HELZ: variants seen among roughly 807,000 people sequenced by gnomAD.
The protein encoded by HELZ is ATP-dependent RNA helicase with zinc finger domain.
HELZ carries 23 observed loss-of-function variants against 218.2 expected under a neutral mutation model. The ratio of observed to expected loss-of-function variants is 0.11; its 90% confidence interval spans 0.08 to 0.15. The LOEUF is 0.15. Ranked by LOEUF, HELZ falls within the 10% of genes least tolerant of loss-of-function variation. HELZ has a pLI of 1.00. For synonymous variants in HELZ, 814 were observed against 829.4 expected, an observed-to-expected ratio of 0.98 and a Z score of 0.32; for missense variants, 1,813 against 2,353.7, an observed-to-expected ratio of 0.77 and a Z score of 4.75.
At chr17:67,107,862 T>C (rs1462639479) in intron 30 of HELZ, among the ~76,000 whole-genome samples, 177 bp from the exon 31 acceptor site, 2 of 152,186 alleles carry the variant, frequency 1.3e-5, no homozygotes, top group African/African-American at 4.8e-5. Context: ...GGTGAAGAAA[T>C]TAAATATGCT....
At chr17:67,123,913 ATC>A (rs777620889) in intron 25 of HELZ, 48 bp downstream of exon 25, 1 of 1,349,080 alleles carries the variant, frequency 7.4e-7, no homozygotes. Context: ...TTTGGGGAAA[ATC>A]TCTTACATCA....
At chr17:67,189,734 C>G in intron 10 of HELZ, 38 bp from the exon 11 acceptor site, 1 of 1,290,854 alleles carries the variant, frequency 7.7e-7, no homozygotes, top group Non-Finnish European at 1.1e-6. Context: ...GTTTTTATTG[C>G]TAAGGGCACA....
chr17:67,141,240 A>G (rs899163269), intron 21 of HELZ, among the ~76,000 whole-genome samples: 23 of 152,312 alleles, frequency 1.5e-4, no homozygotes, highest in Middle Eastern at 3.4e-3. Flanking sequence ...GCAAAAACCC[A>G]TATGTATATA....
chr17:67,100,417 C>A (rs1258016050), intron 31 of HELZ, among the ~76,000 whole-genome samples: 1 of 152,168 alleles, frequency 6.6e-6, no homozygotes, highest in African/African-American at 2.4e-5. Context: ...TACTAGCATT[C>A]CATTTTTATC....
chr17:67,183,347 A>G (rs1316591657), intron 12 of HELZ, among the ~76,000 whole-genome samples: 3 of 152,246 alleles, frequency 2.0e-5, no homozygotes, highest in African/African-American at 7.2e-5. Flanking sequence ...GAGTAAGAGC[A>G]TTAAGAAATA....
At chr17:67,200,239 A>G (rs2040134477) in intron 7 of HELZ, among the ~76,000 whole-genome samples, 1 of 152,226 alleles carries the variant, frequency 6.6e-6, no homozygotes, top group African/African-American at 2.4e-5. Context: ...TTATATGCCT[A>G]TATGAAGAAG....
At chr17:67,200,497 GGAGGCAGAGGCAGACGGATCACTT>G (rs1246467849) in intron 7 of HELZ, 1 of 152,268 alleles carries the variant, frequency 6.6e-6, no homozygotes, top group Non-Finnish European at 1.5e-5. Context: ...CAGCACTTTG[GGAGGCAGAGGCAGACGGATCACTT>G]GAGCCCAGGA....
At position 67,164,152 on chromosome 17, in the gene HELZ, C is replaced by T. The variant is rs117438468; in HGVS notation, c.1895+2326G>A. 5.5e-3 allele frequency among the ~76,000 whole-genome samples: 843 copies of T among 152,224 alleles called. 5 individuals are homozygous for T. The highest frequency in any genetic ancestry group is 7.4e-3 in the Non-Finnish European group (503 of 68,010). On this transcript the variant is annotated intron_variant, in intron 15 of 32. Transcript: ENST00000358691. ...TGTTGGTATTCAAAGAAAAATAAGA[C>T]GCAGTCTCTTCCTGTACAAAGCTCA...
intron 31 of HELZ, among the ~76,000 whole-genome samples, chr17:67,089,668 T>TATATATATATATATATATAGAGAGAGAG (rs71293575): frequency 1.4e-5 from 1 of 70,640 alleles, no homozygotes; most frequent in Non-Finnish European, 2.6e-5. Flanking sequence ...TATATATATA[T>TATATATATATATATATATAGAGAGAGAG]AGAGAGAGAG....
chr17:67,082,855 T>TG (rs1555592598), intron 32 of HELZ, among the ~76,000 whole-genome samples: 12 of 149,994 alleles, frequency 8.0e-5, no homozygotes, highest in African/African-American at 1.7e-4. Flanking sequence ...CTGTTTTTTT[T>TG]TTTTGTTTTT....
intron 9 of HELZ, 78 bp downstream of exon 9, chr17:67,193,889 T>C: frequency 9.8e-7 from 1 of 1,022,284 alleles, no homozygotes; most frequent in South Asian, 1.4e-5. Context: ...TAAACCATTT[T>C]ACTCCATTAG....
At chr17:67,104,764 C>T (rs2037045452) in intron 31 of HELZ, among the ~76,000 whole-genome samples, 1 of 152,008 alleles carries the variant, frequency 6.6e-6, no homozygotes, top group South Asian at 2.1e-4. Flanking sequence ...AAAAAAGATA[C>T]AAATGACCAA....
chr17:67,224,207 T>C (rs2040830584), intron 3 of HELZ: 1 of 155,822 alleles, frequency 6.4e-6, no homozygotes, highest in Non-Finnish European at 1.4e-5. Context: ...TGAGACTCGC[T>C]GAGGCTTCTG....
intron 6 of HELZ, among the ~76,000 whole-genome samples, chr17:67,202,681 T>G (rs1385712048): frequency 6.6e-6 from 1 of 152,210 alleles, no homozygotes; most frequent in Non-Finnish European, 1.5e-5. Flanking sequence ...AAGAACCCTA[T>G]GAGATCATAT....
In HELZ at chr17:67,108,362, G is replaced by T; in HGVS notation, c.4724+130C>A. The stretch of plus-strand genomic sequence containing the variant: ...AGAGTCAACAAGAGAACTGTGTAGC[G>T]TGTGCTTGGAAGGCCAGCATCCAAT... On this transcript the variant is annotated intron_variant, in intron 30 of 32. Coordinates refer to ENST00000358691, the MANE Select transcript of HELZ (RefSeq NM_014877.4). This position sits in a 1 kb window ranked among gnomAD's most constrained non-coding sequence, Gnocchi z 4.1. 1 of 679,676 alleles carries T rather than the reference G, an allele frequency of 1.5e-6. No homozygotes were observed. Among genetic ancestry groups the T allele is most frequent in the Non-Finnish European group, 2.6e-6 (1 of 384,224 alleles). 42.1% of individuals were successfully genotyped at this position (679,676 alleles called of 1,614,324 possible).
At chr17:67,197,907 T>C (rs2040072936) in intron 7 of HELZ, among the ~76,000 whole-genome samples, 2 of 152,022 alleles carry the variant, frequency 1.3e-5, no homozygotes, top group African/African-American at 4.8e-5. Flanking sequence ...GGGCTGAATA[T>C]AAGAATACAC....
chr17:67,245,506 T>C (rs931778479), upstream of HELZ: 19 of 985,450 alleles, frequency 1.9e-5, no homozygotes, highest in East Asian at 3.4e-4. Context: ...CGCGTCTGCA[T>C]TGAATCAACC....
In HELZ at chr17:67,156,714, A is replaced by T. The variant is rs528513084; in HGVS notation, c.2177+3547T>A. Reference sequence around the variant, plus strand: ...ACAATCTCATCTATGCTCACGCTTCAATCACCACCAATACCCTAGTGACTC... The same window carrying T: ...ACAATCTCATCTATGCTCACGCTTCTATCACCACCAATACCCTAGTGACTC... On this transcript the variant is annotated intron_variant, in intron 17 of 32. Transcript: ENST00000358691. Among the ~76,000 whole-genome samples, 3 of 152,146 alleles carry T rather than the reference A, an allele frequency of 2.0e-5. No homozygotes were observed. In the South Asian group the frequency reaches 6.2e-4, roughly 32 times the overall value.
intron 24 of HELZ, 121 bp from the exon 25 acceptor site, chr17:67,124,135 G>A (rs191214857): frequency 3.1e-6 from 2 of 654,580 alleles, no homozygotes; most frequent in South Asian, 4.1e-5. Context: ...TAAAAACTGT[G>A]AGTCTATAAT....
Sources: gnomAD v4.1 joint callset for allele counts (sites outside exome capture counted in the v4.1 genomes callset) on GRCh38, gnomAD v4.1.1 for gene constraint, Gnocchi (gnomAD v3.1) non-coding constraint, MANE v1.5 for transcripts, NCBI Gene and HGNC (gene_info 2026-07-23, HGNC 2026-07-21) for gene names.